MOXD1: variants seen among roughly 807,000 people sequenced by gnomAD.
MOXD1 encodes monooxygenase DBH like 1.
In MOXD1, 62 loss-of-function variants were observed where a neutral mutation model predicts 66.6. The ratio of observed to expected loss-of-function variants is 0.93; its 90% CI spans 0.76 to 1.15. The LOEUF is 1.15. MOXD1 is among the 50% of genes most tolerant of loss of function. MOXD1 has a pLI of 0.00. For missense variants in MOXD1, 847 were observed against 754.6 expected (o/e 1.12, Z -1.44); for synonymous variants, 303 against 281.9 (o/e 1.07, Z -0.75).
chr6:132,380,617 T>C (rs1776487990), intron 1 of MOXD1, among the ~76,000 whole-genome samples: 1 of 152,254 alleles, frequency 6.6e-6, no homozygotes, highest in South Asian at 2.1e-4. Context: ...CAATCTATTT[T>C]AGGCATTGCC....
chr6:132,359,615 T>C (rs1582593275), intron 4 of MOXD1, among the ~76,000 whole-genome samples: 2 of 151,300 alleles, frequency 1.3e-5, no homozygotes, highest in East Asian at 3.9e-4. Context: ...GCCTCCCGAG[T>C]AGCTGGGACT....
In MOXD1 at chr6:132,349,412, T is replaced by TATATACAC. The variant is rs1295507775; in HGVS notation, c.664-20819_664-20818insGTGTATAT. Among the ~76,000 whole-genome samples, 7 of 84,412 alleles carry TATATACAC rather than the reference T, an allele frequency of 8.3e-5. No homozygotes were observed. The East Asian group carries it at 2.4e-3, about 29-fold the overall frequency. 55.4% of individuals were successfully genotyped at this position (84,412 alleles called of 152,430 possible). A position where few individuals can be genotyped will look rare whatever the true frequency, so the allele number is the denominator to read the frequency against. ...ATATATACACATATATATACATATA[T>TATATACAC]ATATATATACATATATATATATACA... On this transcript the variant is annotated intron_variant, in intron 4 of 11. Transcript: ENST00000367963.
At chr6:132,312,823 G>A (rs1471585245) in intron 10 of MOXD1, among the ~76,000 whole-genome samples, 2 of 151,508 alleles carry the variant, frequency 1.3e-5, no homozygotes, top group East Asian at 1.9e-4. Flanking sequence ...AAAAAAATAG[G>A]CCATAGAATG....
intron 10 of MOXD1, among the ~76,000 whole-genome samples, chr6:132,300,221 C>A (rs561210038): frequency 1.1e-4 from 16 of 152,142 alleles, no homozygotes; most frequent in Admixed American, 3.3e-4. Flanking sequence ...ATAAACATAC[C>A]TAGCAATGGC....
chr6:132,324,732 G>A (rs1362794681), intron 6 of MOXD1, among the ~76,000 whole-genome samples: 1 of 152,156 alleles, frequency 6.6e-6, no homozygotes, highest in Non-Finnish European at 1.5e-5. Flanking sequence ...TCATTACAGG[G>A]AGGGAGAGTA....
At chr6:132,349,424 T>TAC (rs1775746333) in intron 4 of MOXD1, among the ~76,000 whole-genome samples, 2 of 22,318 alleles carry the variant, frequency 9.0e-5, no homozygotes, top group African/African-American at 3.0e-4. Flanking sequence ...TATATATACA[T>TAC]ATATATATAT....
At chr6:132,395,308 C>G (rs932690128) in intron 1 of MOXD1, among the ~76,000 whole-genome samples, 1 of 152,008 alleles carries the variant, frequency 6.6e-6, no homozygotes, top group Non-Finnish European at 1.5e-5. Flanking sequence ...CAAGGGAGTC[C>G]TACACCCAAA....
At chr6:132,301,436 A>G (rs1432351792) in intron 10 of MOXD1, among the ~76,000 whole-genome samples, 1 of 152,126 alleles carries the variant, frequency 6.6e-6, no homozygotes, top group African/African-American at 2.4e-5. Context: ...GGAAATTTTA[A>G]AAGTTTAATG....
intron 4 of MOXD1, among the ~76,000 whole-genome samples, chr6:132,345,156 C>T (rs566579585): frequency 6.6e-6 from 1 of 152,274 alleles, no homozygotes; most frequent in South Asian, 2.1e-4. Flanking sequence ...TCATTTCCTA[C>T]CCCACACTAT....
chr6:132,360,358 A>G (rs554581953), intron 4 of MOXD1, among the ~76,000 whole-genome samples: 2 of 152,340 alleles, frequency 1.3e-5, no homozygotes, highest in Non-Finnish European at 2.9e-5. Flanking sequence ...CCTACATCAT[A>G]GGTTGTTTAT....
rs1235577055 is a variant in MOXD1, at chr6:132,349,434, T to C, written c.664-20840A>G. Among the ~76,000 whole-genome samples, 222 of 32,082 alleles carry C rather than the reference T, an allele frequency of 6.9e-3. 28 individuals are homozygous for C. Among genetic ancestry groups the C allele is most frequent in the Middle Eastern group, 0.062 (4 of 64 alleles). The allele number at this position is 32,082 out of a possible 152,430, so 21.0% of individuals were successfully genotyped here. The stretch of plus-strand genomic sequence containing the variant: ...ATATATATATATACATATATATATA[T>C]ACATATATATATATATACATATATA... On this transcript the variant is annotated intron_variant, in intron 4 of 11. Coordinates refer to ENST00000367963, the MANE Select transcript of MOXD1 (RefSeq NM_015529.4).
intron 4 of MOXD1, among the ~76,000 whole-genome samples, chr6:132,334,750 G>A (rs562343304): frequency 1.3e-5 from 2 of 152,266 alleles, no homozygotes; most frequent in East Asian, 3.9e-4. Flanking sequence ...GCTGCCTGAG[G>A]GCAGAGCTGG....
chr6:132,383,091 C>A (rs1327044044), intron 1 of MOXD1, among the ~76,000 whole-genome samples: 1 of 152,174 alleles, frequency 6.6e-6, no homozygotes, highest in Non-Finnish European at 1.5e-5. Flanking sequence ...TCATCATTTT[C>A]TTCAACAGGT....
chr6:132,361,117 T>C (rs528025387), intron 4 of MOXD1, among the ~76,000 whole-genome samples: 3 of 152,238 alleles, frequency 2.0e-5, no homozygotes, highest in Non-Finnish European at 4.4e-5. Flanking sequence ...GTCAGTGAGG[T>C]GGTTTTCAGT....
In MOXD1 at chr6:132,342,845, C is replaced by A. The variant is rs148926022; in HGVS notation, c.664-14251G>T. Among the ~76,000 whole-genome samples, 7 of 152,076 alleles carry A rather than the reference C, an allele frequency of 4.6e-5. No homozygotes were observed. In the East Asian group the frequency reaches 1.2e-3, roughly 25 times the overall value. On this transcript the variant is annotated intron_variant, in intron 4 of 11. Transcript: ENST00000367963. ...GTTTGTTTCTTTCAGTCAATACATG[C>A]GCTTCAATTCAGCAATACATCAAAG... is the stretch of plus-strand genomic sequence containing the variant.
chr6:132,307,884 T>TTATA (rs1316388796), intron 10 of MOXD1, among the ~76,000 whole-genome samples: 2 of 151,900 alleles, frequency 1.3e-5, no homozygotes, highest in African/African-American at 2.4e-5. Context: ...AGAAGGAAAT[T>TTATA]TATAGCACTA....
chr6:132,306,068 G>T (rs1290637567), intron 10 of MOXD1, among the ~76,000 whole-genome samples: 1 of 151,894 alleles, frequency 6.6e-6, no homozygotes, highest in Admixed American at 6.6e-5. Flanking sequence ...AACTATGCTG[G>T]GCTAAAGAAG....
In MOXD1 at chr6:132,320,636, A is replaced by T; in HGVS notation, c.1358T>A (p.Met453Lys). The change falls in exon 9 of 12, where the codon ATG (methionine) becomes AAG (lysine). Residue 453 changes from methionine to lysine, a missense_variant. By Grantham distance (95) the Met-to-Lys change is moderately conservative. Transcript: ENST00000367963. Reference protein sequence around the residue: ...CRYNTKDRAEMTWGGLSTRSE... With the variant: ...CRYNTKDRAEKTWGGLSTRSE... ...TAATAAAAGTTTTCTTACCCAAGTC[A>T]TCTCAGCTCTATCTTTCGTGTTGTA... 6.2e-7 allele frequency: 1 copy of T among 1,607,668 alleles called. No individual in the cohort carries two copies. Among genetic ancestry groups the T allele is most frequent in the Non-Finnish European group, 8.5e-7 (1 of 1,177,072 alleles).
intron 4 of MOXD1, among the ~76,000 whole-genome samples, chr6:132,356,823 T>C (rs1414083935): frequency 6.6e-6 from 1 of 152,106 alleles, no homozygotes; most frequent in Non-Finnish European, 1.5e-5. Context: ...AAATCCTATA[T>C]AAATGTTGTA....
Sources: gnomAD v4.1 joint callset for allele counts (sites outside exome capture counted in the v4.1 genomes callset) on GRCh38, gnomAD v4.1.1 for gene constraint, MANE v1.5 for transcripts, NCBI Gene and HGNC (gene_info 2026-07-23, HGNC 2026-07-21) for gene names.